Variants in LRP1B observed in about 807,000 individuals in gnomAD.
LRP1B encodes low-density lipoprotein receptor-related protein 1B.
A neutral mutation model predicts 556.6 loss-of-function variants in LRP1B; 217 were observed. The observed-to-expected ratio is 0.39, with a 90% confidence interval of 0.35 to 0.44. LRP1B has a LOEUF of 0.44. Ranked by LOEUF, LRP1B falls within the 20% of genes least tolerant of loss-of-function variation. The probability of loss-of-function intolerance (pLI) is 1.00; values close to 1 mark genes in which losing one functional copy is unlikely to be tolerated. For synonymous variants in LRP1B, 2,047 were observed against 1,865.8 expected, an observed-to-expected ratio of 1.10 and a Z score of -2.50; for missense variants, 5,053 against 5,620.8, an observed-to-expected ratio of 0.90 and a Z score of 3.23.
chr2:140,457,090 A>C (rs974381667), intron 61 of LRP1B, among the ~76,000 whole-genome samples: 3 of 152,202 alleles, frequency 2.0e-5, no homozygotes, highest in Non-Finnish European at 4.4e-5. Flanking sequence ...TAGAGTTGTC[A>C]GTTTTAAAAC....
intron 2 of LRP1B, among the ~76,000 whole-genome samples, chr2:141,702,641 G>C (rs1691982816): frequency 6.6e-6 from 1 of 151,740 alleles, no homozygotes; most frequent in African/African-American, 2.4e-5. Context: ...GAAGGTTTTT[G>C]AACTGTTTTG....
intron 1 of LRP1B, among the ~76,000 whole-genome samples, chr2:142,017,173 A>C (rs1333929008): frequency 2.6e-5 from 4 of 152,092 alleles, no homozygotes; most frequent in Non-Finnish European, 4.4e-5. Flanking sequence ...AAAAAATTGA[A>C]ATATTAGTCT....
intron 41 of LRP1B, among the ~76,000 whole-genome samples, chr2:140,655,081 CCTAT>C (rs923528257): frequency 2.7e-5 from 4 of 150,024 alleles, no homozygotes; most frequent in South Asian, 2.1e-4. Flanking sequence ...ATATATGTGG[CCTAT>C]CTCTCTAAAA....
chr2:141,210,114 G>A (rs1331908326), intron 6 of LRP1B, among the ~76,000 whole-genome samples: 2 of 151,048 alleles, frequency 1.3e-5, no homozygotes, highest in African/African-American at 4.9e-5. Context: ...ACTGAAATGC[G>A]GCGTGCATTT....
intron 32 of LRP1B, among the ~76,000 whole-genome samples, chr2:140,809,863 C>A (rs933625397): frequency 6.6e-6 from 1 of 152,130 alleles, no homozygotes; most frequent in Admixed American, 6.5e-5. Context: ...CATAACATGT[C>A]AGCTGGCTTT....
At chr2:141,199,610 G>T (rs1681911796) in intron 6 of LRP1B, among the ~76,000 whole-genome samples, 1 of 151,956 alleles carries the variant, frequency 6.6e-6, no homozygotes, top group South Asian at 2.1e-4. Flanking sequence ...CTTAAGTCTT[G>T]ATTCTTGAAA....
At chr2:141,860,185 T>C (rs919454764) in intron 1 of LRP1B, among the ~76,000 whole-genome samples, 8 of 152,184 alleles carry the variant, frequency 5.3e-5, no homozygotes, top group South Asian at 4.1e-4. Flanking sequence ...GGAAAGAAAA[T>C]TGTAAAACAA....
chr2:141,718,770 T>C (rs1471029292), intron 2 of LRP1B, among the ~76,000 whole-genome samples: 1 of 151,986 alleles, frequency 6.6e-6, no homozygotes, highest in Non-Finnish European at 1.5e-5. Context: ...AAGACTGGAG[T>C]GTGATAAGAA....
chr2:140,436,924 T>A (rs950903980), intron 66 of LRP1B, among the ~76,000 whole-genome samples: 2 of 152,132 alleles, frequency 1.3e-5, no homozygotes, highest in African/African-American at 4.8e-5. Context: ...TTTTTAAATA[T>A]TCAGGAGTTA....
chr2:140,997,145 GA>G (rs1258068855), intron 15 of LRP1B, among the ~76,000 whole-genome samples: 2 of 151,782 alleles, frequency 1.3e-5, no homozygotes, highest in African/African-American at 4.8e-5. Flanking sequence ...ATTTAACCAG[GA>G]TCAAAAGTAA....
intron 1 of LRP1B, among the ~76,000 whole-genome samples, chr2:141,888,939 C>G (rs1247371306): frequency 6.6e-6 from 1 of 152,110 alleles, no homozygotes; most frequent in Non-Finnish European, 1.5e-5. Context: ...CTGGGGAGAA[C>G]TTAAGCATTT....
chr2:141,267,361 T>C (rs547110543), intron 3 of LRP1B, among the ~76,000 whole-genome samples: 34 of 152,248 alleles, frequency 2.2e-4, no homozygotes, highest in Non-Finnish European at 4.3e-4. Context: ...TATGTTTATA[T>C]GAATATTAAA....
At chr2:140,399,109 T>G (rs969425292) in intron 66 of LRP1B, among the ~76,000 whole-genome samples, 4 of 152,016 alleles carry the variant, frequency 2.6e-5, no homozygotes, top group Non-Finnish European at 5.9e-5. Context: ...CTATTTGATC[T>G]TTTAGAATTG....
chr2:141,367,089 A>T (rs1689067448), intron 3 of LRP1B, among the ~76,000 whole-genome samples: 1 of 152,202 alleles, frequency 6.6e-6, no homozygotes, highest in Non-Finnish European at 1.5e-5. Flanking sequence ...AGAGCTAAAA[A>T]CTATTGCTGC....
chr2:140,364,581 C>T (rs187585260), intron 72 of LRP1B, 80 bp downstream of exon 72: 10 of 1,525,204 alleles, frequency 6.6e-6, no homozygotes, highest in Middle Eastern at 1.8e-4. Flanking sequence ...TGGTAGTTCA[C>T]CTCCCCACTT....
Position 140,459,104 on chromosome 2 carries a change from G to A in LRP1B, c.9626-1453C>T, listed in dbSNP as rs16844015. Among the ~76,000 whole-genome samples, 753 of 152,070 alleles carry A rather than the reference G, an allele frequency of 5.0e-3. 9 individuals carry two copies. The highest frequency in any genetic ancestry group is 0.016 in the African/African-American group (644 of 41,500). On this transcript the variant is annotated intron_variant, in intron 60 of 90. Coordinates refer to ENST00000389484, the MANE Select transcript of LRP1B (RefSeq NM_018557.3). ...TAGATGTGCACACAACTTAATTATC[G>A]ATGTACTCTTGCAGACATAGATACC... is the stretch of plus-strand genomic sequence containing the variant.
chr2:140,899,988 AC>A (rs1181678968), intron 23 of LRP1B, among the ~76,000 whole-genome samples: 11 of 152,082 alleles, frequency 7.2e-5, no homozygotes, highest in African/African-American at 2.7e-4. Context: ...AGAAAAAAAA[AC>A]AAAAAACTAT....
At chr2:140,663,598 G>T (rs1283632728) in intron 41 of LRP1B, among the ~76,000 whole-genome samples, 2 of 152,142 alleles carry the variant, frequency 1.3e-5, no homozygotes, top group Non-Finnish European at 2.9e-5. Context: ...GAGAGTTAGG[G>T]CCTTTCCTGG....
intron 7 of LRP1B, among the ~76,000 whole-genome samples, chr2:141,120,123 T>TAA (rs1701009666): frequency 6.6e-6 from 1 of 151,952 alleles, no homozygotes; most frequent in Non-Finnish European, 1.5e-5. Flanking sequence ...AGCAGACATT[T>TAA]AACCCACTGA....
Sources: gnomAD v4.1 joint callset for allele counts (sites outside exome capture counted in the v4.1 genomes callset) on GRCh38, gnomAD v4.1.1 for gene constraint, MANE v1.5 for transcripts, NCBI Gene and HGNC (gene_info 2026-07-23, HGNC 2026-07-21) for gene names.